FSTL5: variants seen among roughly 807,000 people sequenced by gnomAD.
FSTL5 encodes the protein follistatin like 5, also known as follistatin-related protein 5.
Under a neutral mutation model 89.1 loss-of-function variants are expected in FSTL5, and 62 were observed. The ratio of observed to expected loss-of-function variants is 0.70; its 90% CI spans 0.57 to 0.86. The LOEUF (loss-of-function observed/expected upper bound fraction) is 0.86, where lower values mean the gene tolerates loss of function less well. Among genes scored for constraint, FSTL5 ranks in the 40% least tolerant of loss-of-function variants. The pLI is 0.00. For missense variants in FSTL5, 1,057 were observed against 1,001.6 expected (o/e 1.06, Z -0.75); for synonymous variants, 383 against 346.2 (o/e 1.11, Z -1.18).
At chr4:161,660,758 G>A (rs895814669) in intron 6 of FSTL5, among the ~76,000 whole-genome samples, 95 of 152,108 alleles carry the variant, frequency 6.2e-4, no homozygotes, top group African/African-American at 2.1e-3. Context: ...ATTCGCTAAG[G>A]ATTATGGTCT....
chr4:162,068,294 C>A (rs1479697726), intron 2 of FSTL5, among the ~76,000 whole-genome samples: 1 of 151,922 alleles, frequency 6.6e-6, no homozygotes, highest in Non-Finnish European at 1.5e-5. Flanking sequence ...GCACCTGACT[C>A]CAAACTATAC....
At chr4:162,080,182 G>A (rs1579010721) in intron 2 of FSTL5, among the ~76,000 whole-genome samples, 1 of 151,638 alleles carries the variant, frequency 6.6e-6, no homozygotes, top group East Asian at 1.9e-4. Flanking sequence ...TTTGATGGAT[G>A]TCTAGTGCCT....
At chr4:161,585,587 T>TAA (rs34372995) in intron 8 of FSTL5, among the ~76,000 whole-genome samples, 1,854 of 102,626 alleles carry the variant, frequency 0.018, 30 homozygotes, top group South Asian at 0.05. Context: ...TCCCTAATGC[T>TAA]AAAAAAAAAA....
intron 6 of FSTL5, among the ~76,000 whole-genome samples, chr4:161,715,985 T>A (rs954588973): frequency 1.3e-4 from 20 of 152,076 alleles, no homozygotes; most frequent in South Asian, 4.1e-4. Flanking sequence ...AATTCCACAA[T>A]AAAAAGTAAA....
chr4:161,785,417 G>A (rs1487649859), intron 4 of FSTL5, among the ~76,000 whole-genome samples: 1 of 152,082 alleles, frequency 6.6e-6, no homozygotes, highest in East Asian at 1.9e-4. Context: ...GGTTGATAAG[G>A]TTTTTTAATT....
intron 1 of FSTL5, among the ~76,000 whole-genome samples, chr4:162,115,388 G>A (rs1731599355): frequency 6.6e-6 from 1 of 152,080 alleles, no homozygotes. Flanking sequence ...AAAGTGTTCT[G>A]GAAATTTTTT....
chr4:161,802,621 T>C (rs1481630981), intron 4 of FSTL5, among the ~76,000 whole-genome samples: 2 of 151,726 alleles, frequency 1.3e-5, no homozygotes, highest in African/African-American at 2.4e-5. Flanking sequence ...TTCTGCATTT[T>C]GAATACGATT....
chr4:162,073,104 CT>C (rs1296922370), intron 2 of FSTL5, among the ~76,000 whole-genome samples: 2 of 151,772 alleles, frequency 1.3e-5, no homozygotes, highest in African/African-American at 4.8e-5. Flanking sequence ...GGCCTCTAAT[CT>C]GCATGAGCCA....
At chr4:161,769,211 C>A (rs984067714) in intron 5 of FSTL5, among the ~76,000 whole-genome samples, 11 of 151,844 alleles carry the variant, frequency 7.2e-5, no homozygotes, top group African/African-American at 2.4e-4. Context: ...ATTCCTTCAG[C>A]AAAAATAAGA....
At chr4:161,616,666 G>C (rs910549972) in intron 7 of FSTL5, among the ~76,000 whole-genome samples, 1 of 151,938 alleles carries the variant, frequency 6.6e-6, no homozygotes, top group East Asian at 1.9e-4. Flanking sequence ...GATTAATACA[G>C]AAGGGAATAA....
chr4:161,452,255 C>G (rs908351622), intron 15 of FSTL5, among the ~76,000 whole-genome samples: 1 of 152,140 alleles, frequency 6.6e-6, no homozygotes, highest in Admixed American at 6.5e-5. Flanking sequence ...GTGGGTGGAT[C>G]ACCTGAGGTC....
At chr4:161,548,588 A>C (rs1732087027) in intron 8 of FSTL5, among the ~76,000 whole-genome samples, 4 of 151,816 alleles carry the variant, frequency 2.6e-5, no homozygotes, top group African/African-American at 9.7e-5. Flanking sequence ...GAGTTATGTC[A>C]TAGGTAGTTA....
chr4:161,570,698 A>G (rs1732975661), intron 8 of FSTL5, among the ~76,000 whole-genome samples: 1 of 152,230 alleles, frequency 6.6e-6, no homozygotes, highest in Non-Finnish European at 1.5e-5. Flanking sequence ...TTGTGTAAGA[A>G]AGACAAAGAA....
At chr4:161,720,627 T>C (rs1207186927) in intron 6 of FSTL5, among the ~76,000 whole-genome samples, 2 of 152,212 alleles carry the variant, frequency 1.3e-5, no homozygotes, top group Admixed American at 6.5e-5. Context: ...CCATCATTTA[T>C]GGATGAGTAA....
At position 161,669,100 on chromosome 4, in the gene FSTL5, A is replaced by C. The variant is rs181056809; in HGVS notation, c.728-12606T>G. Among the ~76,000 whole-genome samples, 560 of 139,638 alleles carry C rather than the reference A, an allele frequency of 4.0e-3. 1 individual carries two copies. Among genetic ancestry groups the C allele is most frequent in the Non-Finnish European group, 7.1e-3 (457 of 64,008 alleles). 91.6% of individuals were successfully genotyped at this position (139,638 alleles called of 152,430 possible). ...GCCCTCCAGCCTGGGTGACAGAGTG[A>C]GACTCTGTCTCAAAAAAAAAAAAAA... On this transcript the variant is annotated intron_variant, in intron 6 of 15. Transcript: ENST00000306100.
At chr4:161,877,465 T>C (rs1732484077) in intron 4 of FSTL5, among the ~76,000 whole-genome samples, 1 of 151,530 alleles carries the variant, frequency 6.6e-6, no homozygotes, top group African/African-American at 2.4e-5. Context: ...ATTTTAACTA[T>C]TCCTATAATA....
At chr4:161,737,803 A>G (rs971338097) in intron 6 of FSTL5, among the ~76,000 whole-genome samples, 14 of 151,218 alleles carry the variant, frequency 9.3e-5, no homozygotes, top group Admixed American at 2.6e-4. Flanking sequence ...ATAAAGAAAA[A>G]AAAATGTTGG....
At chr4:161,969,894 A>C (rs918722891) in intron 3 of FSTL5, among the ~76,000 whole-genome samples, 1 of 152,140 alleles carries the variant, frequency 6.6e-6, no homozygotes, top group Non-Finnish European at 1.5e-5. Context: ...GAGAAGATAA[A>C]AAATATGGTG....
At chr4:162,119,946 AC>A (rs1731788882) in intron 1 of FSTL5, among the ~76,000 whole-genome samples, 1 of 152,166 alleles carries the variant, frequency 6.6e-6, no homozygotes, top group African/African-American at 2.4e-5. Flanking sequence ...AAAGATTACA[AC>A]ATACACAGTA....
Sources: gnomAD v4.1 joint callset for allele counts (sites outside exome capture counted in the v4.1 genomes callset) on GRCh38, gnomAD v4.1.1 for gene constraint, MANE v1.5 for transcripts, NCBI Gene and HGNC (gene_info 2026-07-23, HGNC 2026-07-21) for gene names.